Variants in RAB30 observed in about 807,000 individuals in gnomAD.
RAB30 encodes the protein RAB30, member RAS oncogene family, also known as ras-related protein Rab-30.
In RAB30, 9 loss-of-function variants were observed where a neutral mutation model predicts 25.1. The ratio of observed to expected loss-of-function variants is 0.36; its 90% CI spans 0.22 to 0.63. RAB30 has a LOEUF of 0.63. Ranked by LOEUF, RAB30 falls within the 20% of genes least tolerant of loss-of-function variation. The pLI, the probability that RAB30 is intolerant of heterozygous loss-of-function variation, is 0.69. For synonymous variants in RAB30, 77 were observed against 86.4 expected (o/e 0.89, Z 0.60); for missense variants, 140 against 243.5 (o/e 0.58, Z 2.83).
rs1856907618 is a variant in RAB30, at chr11:82,993,935, A to C, written c.177+104T>G. 9 of 904,974 alleles carry C rather than the reference A, an allele frequency of 9.9e-6. No individual in the cohort carries two copies. In the South Asian group the frequency reaches 1.4e-4, roughly 14 times the overall value. The allele number at this position is 904,974 out of a possible 1,614,324, so 56.1% of individuals were successfully genotyped here. A position where few individuals can be genotyped will look rare whatever the true frequency, so the allele number is the denominator to read the frequency against. ...CATTATGGCTGAGTGCATTGTTTCC[A>C]TGTGGGTTTCAATTAGGAGATTTAA... On this transcript the variant is annotated intron_variant, in intron 3 of 4. Transcript: ENST00000527633.
At chr11:83,024,318 C>T (rs769022791) in intron 1 of RAB30, among the ~76,000 whole-genome samples, 1 of 152,188 alleles carries the variant, frequency 6.6e-6, no homozygotes, top group Non-Finnish European at 1.5e-5. Context: ...CCAGCAAGGA[C>T]ACAGCGAGCA....
intron 1 of RAB30, among the ~76,000 whole-genome samples, chr11:83,009,357 C>T (rs1273463684): frequency 3.9e-5 from 6 of 152,134 alleles, no homozygotes; most frequent in African/African-American, 7.2e-5. Context: ...TGAGCCACCG[C>T]GCCCGGCCAA....
chr11:83,055,892 C>A (rs191640181), intron 1 of RAB30, among the ~76,000 whole-genome samples: 1 of 139,282 alleles, frequency 7.2e-6, no homozygotes, highest in Non-Finnish European at 1.6e-5. Context: ...AGCCTGCTGG[C>A]GCCTGGATCT....
At chr11:83,026,908 A>G (rs1387980964) in intron 1 of RAB30, among the ~76,000 whole-genome samples, 2 of 152,196 alleles carry the variant, frequency 1.3e-5, no homozygotes, top group African/African-American at 2.4e-5. Context: ...TTGACTTAGC[A>G]TACTCAGAAA....
At chr11:83,003,813 A>G (rs1397347294) in intron 1 of RAB30, among the ~76,000 whole-genome samples, 1 of 152,124 alleles carries the variant, frequency 6.6e-6, no homozygotes, top group Non-Finnish European at 1.5e-5. Context: ...AGAATTATAT[A>G]AATTTTTTTC....
chr11:83,007,278 T>C (rs1268425373), intron 1 of RAB30, among the ~76,000 whole-genome samples: 2 of 152,092 alleles, frequency 1.3e-5, no homozygotes, highest in Non-Finnish European at 2.9e-5. Context: ...ACACATGCCA[T>C]GGATTGGGGG....
intron 1 of RAB30, among the ~76,000 whole-genome samples, chr11:83,005,869 T>G (rs1857173103): frequency 6.6e-6 from 1 of 151,342 alleles, no homozygotes; most frequent in South Asian, 2.1e-4. Flanking sequence ...ATAAGAAAAA[T>G]TCAATAACCG....
rs1393668011 is a variant in RAB30 at position 83,052,474 on chromosome 11, A to G, written c.-9+19217T>C. Among the ~76,000 whole-genome samples, 3 of 152,222 alleles carry G rather than the reference A, an allele frequency of 2.0e-5. No homozygotes were observed. The East Asian group carries it at 5.8e-4, about 29-fold the overall frequency. On this transcript the variant is annotated intron_variant, in intron 1 of 4. Coordinates refer to ENST00000527633, the MANE Select transcript of RAB30 (RefSeq NM_001286060.2). ...AGACTTTTCCCCACTGCCATAATTCATCAACCCATGTTGGAAGCTAGTTTT... is the reference window on the plus strand; with the variant it reads ...AGACTTTTCCCCACTGCCATAATTCGTCAACCCATGTTGGAAGCTAGTTTT...
chr11:83,055,152 A>C (rs1858432545), intron 1 of RAB30, among the ~76,000 whole-genome samples: 1 of 152,196 alleles, frequency 6.6e-6, no homozygotes, highest in African/African-American at 2.4e-5. Context: ...TGCATCTGTT[A>C]ATTGGAGCTA....
At chr11:83,022,749 A>ATT (rs1201412066) in intron 1 of RAB30, among the ~76,000 whole-genome samples, 1 of 152,192 alleles carries the variant, frequency 6.6e-6, no homozygotes, top group African/African-American at 2.4e-5. Context: ...TTAAAAAATA[A>ATT]TAATAATGAA....
chr11:83,008,368 G>A (rs1857232047), intron 1 of RAB30, among the ~76,000 whole-genome samples: 1 of 152,188 alleles, frequency 6.6e-6, no homozygotes. Flanking sequence ...GGAAGCAAGT[G>A]TCCACATGCT....
At chr11:83,053,329 T>C (rs972771294) in intron 1 of RAB30, among the ~76,000 whole-genome samples, 4 of 152,186 alleles carry the variant, frequency 2.6e-5, no homozygotes, top group African/African-American at 9.6e-5. Context: ...AATAAAATTA[T>C]AAATGCAAAG....
chr11:83,027,896 C>T (rs770757185), intron 1 of RAB30, among the ~76,000 whole-genome samples: 10 of 152,062 alleles, frequency 6.6e-5, no homozygotes, highest in Non-Finnish European at 1.3e-4. Context: ...AAATGAAATC[C>T]TACACTCTGT....
intron 1 of RAB30, among the ~76,000 whole-genome samples, chr11:83,033,866 T>A (rs1013107748): frequency 2.6e-5 from 4 of 151,482 alleles, no homozygotes; most frequent in Non-Finnish European, 5.9e-5. Flanking sequence ...CAAAGAATGA[T>A]CAGATCAAAT....
In RAB30 at chr11:82,982,269, G is replaced by A; in HGVS notation, c.508C>T (p.Leu170Phe). Residue 170 changes from leucine to phenylalanine, a missense_variant, in exon 5 of 5, where the codon CTC (leucine) becomes TTC (phenylalanine). Transcript: ENST00000527633. ...EKLFLDLACR[L>F]ISEARQNTLV... ...GTGTTCTGTCTGGCTTCACTGATGA[G>A]TCGGCATGCTAAGTCAAGGAAGAGT... The A allele has an allele frequency of 2.5e-6, 4 of 1,614,222 alleles. No individual in the cohort carries two copies. The highest frequency in any genetic ancestry group is 3.4e-6 in the Non-Finnish European group (4 of 1,180,042).
chr11:83,058,142 C>T (rs1450145452), intron 1 of RAB30, among the ~76,000 whole-genome samples: 1 of 152,202 alleles, frequency 6.6e-6, no homozygotes, highest in African/African-American at 2.4e-5. Context: ...AAATGCTTTA[C>T]ATTTTCTTTA....
At chr11:83,062,656 T>A (rs773988527) in intron 1 of RAB30, among the ~76,000 whole-genome samples, 3 of 152,188 alleles carry the variant, frequency 2.0e-5, no homozygotes, top group Non-Finnish European at 2.9e-5. Context: ...AGTCCTTTTA[T>A]ACACAACATC....
At chr11:83,062,236 A>C (rs561090818) in intron 1 of RAB30, among the ~76,000 whole-genome samples, 1 of 152,294 alleles carries the variant, frequency 6.6e-6, no homozygotes, top group Non-Finnish European at 1.5e-5. Flanking sequence ...CCTTACTGAA[A>C]ATTGGTTCCT....
rs1858855409 is a variant in RAB30, at chr11:83,071,830, A to T, written c.-148T>A. On this transcript the variant is annotated 5_prime_UTR_variant, in exon 1 of 5. Transcript: ENST00000527633. Reference sequence around the variant, plus strand: ...CTGCCCTGGTGCTGCTGCTACACTTAGCTCAGCTGGAGCGAGCGGCAATCG... The same window carrying T: ...CTGCCCTGGTGCTGCTGCTACACTTTGCTCAGCTGGAGCGAGCGGCAATCG... The T allele has an allele frequency of 2.8e-6, 1 of 353,948 alleles. No homozygotes were observed. Among genetic ancestry groups the T allele is most frequent in the South Asian group, 1.5e-4 (1 of 6,634 alleles). 21.9% of individuals were successfully genotyped at this position (353,948 alleles called of 1,614,324 possible).
Sources: gnomAD v4.1 joint callset for allele counts (sites outside exome capture counted in the v4.1 genomes callset) on GRCh38, gnomAD v4.1.1 for gene constraint, MANE v1.5 for transcripts, NCBI Gene and HGNC (gene_info 2026-07-23, HGNC 2026-07-21) for gene names.